CADM2: variants seen among roughly 807,000 people sequenced by gnomAD.
CADM2 encodes the protein cell adhesion molecule 2.
Under a neutral mutation model 49.8 loss-of-function variants are expected in CADM2, and 12 were observed. The observed-to-expected ratio is 0.24, with a 90% CI of 0.15 to 0.39. The LOEUF is 0.39. CADM2 is among the 10% of genes least tolerant of loss of function. The pLI is 1.00. For synonymous variants in CADM2, 214 were observed against 175.4 expected (o/e 1.22, Z -1.74); for missense variants, 378 against 492.3 (o/e 0.77, Z 2.20).
intron 1 of CADM2, among the ~76,000 whole-genome samples, chr3:85,430,462 G>A (rs906932864): frequency 2.0e-5 from 3 of 152,000 alleles, no homozygotes; most frequent in Non-Finnish European, 4.4e-5. Context: ...AGGTTACAGT[G>A]ATCCATGATT....
At position 85,379,203 on chromosome 3, in the gene CADM2, A is replaced by C. The variant is rs555895931; in HGVS notation, c.62-347319A>C. The stretch of plus-strand genomic sequence containing the variant: ...TTATGTTGATCATAATTTCATGATG[A>C]TTGCTTAAGTGTTTCCAAGTAGAAA... On this transcript the variant is annotated intron_variant, in intron 1 of 9. Coordinates refer to ENST00000383699, the MANE Select transcript of CADM2 (RefSeq NM_001167675.2). Among the ~76,000 whole-genome samples the C allele has an allele frequency of 1.8e-4, 28 of 152,106 alleles. No individual in the cohort carries two copies. The South Asian group carries it at 5.8e-3, about 32-fold the overall frequency.
chr3:85,450,881 C>T (rs913314576), intron 1 of CADM2, among the ~76,000 whole-genome samples: 2 of 151,998 alleles, frequency 1.3e-5, no homozygotes, highest in African/African-American at 2.4e-5. Flanking sequence ...GTTTTGAATT[C>T]GGCCTAGGCT....
intron 1 of CADM2, among the ~76,000 whole-genome samples, chr3:85,673,401 A>G (rs538855359): frequency 1.3e-5 from 2 of 152,038 alleles, no homozygotes; most frequent in African/African-American, 4.8e-5. Context: ...ACTAATTTCA[A>G]GCTTATGTGA....
In CADM2 at chr3:85,383,537, T is replaced by TATATATAC. The variant is rs1464540835; in HGVS notation, c.62-342984_62-342983insTATATACA. ...ATATGTATATATATATATATATATA[T>TATATATAC]ACATATATATATACATATAAACATT... On this transcript the variant is annotated intron_variant, in intron 1 of 9. Transcript: ENST00000383699. Among the ~76,000 whole-genome samples the TATATATAC allele has an allele frequency of 6.9e-5, 10 of 145,348 alleles. 1 individual carries two copies. The highest frequency in any genetic ancestry group is 4.3e-4 in the South Asian group (2 of 4,670).
At position 85,531,134 on chromosome 3, in the gene CADM2, A is replaced by G. The variant is rs1262542714; in HGVS notation, c.62-195388A>G. On this transcript the variant is annotated intron_variant, in intron 1 of 9. Coordinates refer to ENST00000383699, the MANE Select transcript of CADM2 (RefSeq NM_001167675.2). ...GATTCACTGAATATCCTTCTACTAAAATCATAAATGCCTTATAAGAGCAGC... is the reference window on the plus strand; with the variant it reads ...GATTCACTGAATATCCTTCTACTAAGATCATAAATGCCTTATAAGAGCAGC... 2.6e-5 allele frequency among the ~76,000 whole-genome samples: 4 copies of G among 152,160 alleles called. No homozygotes were observed. The South Asian group carries it at 8.3e-4, about 32-fold the overall frequency.
chr3:84,977,338 C>G (rs2031882843), intron 1 of CADM2, among the ~76,000 whole-genome samples: 1 of 151,880 alleles, frequency 6.6e-6, no homozygotes. Flanking sequence ...CACCTGATTT[C>G]TTGGAAGAGC....
intron 8 of CADM2, among the ~76,000 whole-genome samples, chr3:85,989,996 G>A (rs1194083772): frequency 3.6e-5 from 2 of 55,176 alleles, no homozygotes; most frequent in Admixed American, 3.2e-4. Flanking sequence ...TGGGCGACAA[G>A]AGAGAAACTC....
chr3:85,963,192 G>A (rs1725058611), intron 8 of CADM2, among the ~76,000 whole-genome samples: 1 of 151,896 alleles, frequency 6.6e-6, no homozygotes, highest in African/African-American at 2.4e-5. Context: ...AGCAACGAAA[G>A]GCTCACAATG....
chr3:85,443,282 G>A (rs1227181178), intron 1 of CADM2, among the ~76,000 whole-genome samples: 1 of 152,022 alleles, frequency 6.6e-6, no homozygotes, highest in Non-Finnish European at 1.5e-5. Context: ...AGCAATTACA[G>A]GAAAACATAC....
chr3:85,915,402 T>G (rs778539154), intron 6 of CADM2, among the ~76,000 whole-genome samples: 5 of 152,132 alleles, frequency 3.3e-5, no homozygotes, highest in African/African-American at 1.2e-4. Flanking sequence ...CATTCAAGTA[T>G]GTGAAGTTAA....
intron 1 of CADM2, among the ~76,000 whole-genome samples, chr3:85,258,142 C>T (rs965783397): frequency 3.3e-5 from 5 of 152,026 alleles, no homozygotes; most frequent in African/African-American, 9.7e-5. Flanking sequence ...CTCAGCCTAC[C>T]TGAGTGGCCA....
intron 8 of CADM2, among the ~76,000 whole-genome samples, chr3:86,017,586 G>A (rs748539504): frequency 3.3e-5 from 5 of 151,584 alleles, no homozygotes; most frequent in Admixed American, 2.0e-4. Flanking sequence ...AAAATTAGCC[G>A]GGCACAGTAG....
intron 3 of CADM2, among the ~76,000 whole-genome samples, chr3:85,867,981 C>G (rs1217920552): frequency 6.6e-6 from 1 of 152,014 alleles, no homozygotes; most frequent in Non-Finnish European, 1.5e-5. Context: ...TCTACAGCTT[C>G]AAATAGTCAA....
chr3:85,177,006 T>C (rs2040802894), intron 1 of CADM2, among the ~76,000 whole-genome samples: 1 of 152,174 alleles, frequency 6.6e-6, no homozygotes, highest in Admixed American at 6.5e-5. Context: ...AAGATGAATA[T>C]ATACATCGTC....
At chr3:85,504,427 G>C (rs1221807906) in intron 1 of CADM2, among the ~76,000 whole-genome samples, 1 of 152,220 alleles carries the variant, frequency 6.6e-6, no homozygotes, top group African/African-American at 2.4e-5. Flanking sequence ...AAGGGGACCG[G>C]AGCGGGTTGT....
chr3:85,431,462 T>C (rs2036662634), intron 1 of CADM2, among the ~76,000 whole-genome samples: 1 of 152,122 alleles, frequency 6.6e-6, no homozygotes, highest in Non-Finnish European at 1.5e-5. Context: ...CTTTAGGGTT[T>C]TCAGGGAAAT....
chr3:85,083,817 C>G (rs911854245), intron 1 of CADM2, among the ~76,000 whole-genome samples: 2 of 151,880 alleles, frequency 1.3e-5, no homozygotes, highest in Admixed American at 6.6e-5. Flanking sequence ...ACACAAACTG[C>G]CACAGATTTA....
intron 1 of CADM2, among the ~76,000 whole-genome samples, chr3:85,426,996 C>A (rs2036435937): frequency 6.6e-6 from 1 of 151,502 alleles, no homozygotes; most frequent in Admixed American, 6.6e-5. Context: ...GTTTATCCCA[C>A]CTATTTATCA....
intron 7 of CADM2, among the ~76,000 whole-genome samples, chr3:85,957,822 G>A (rs1724240761): frequency 6.6e-6 from 1 of 151,732 alleles, no homozygotes; most frequent in Admixed American, 6.6e-5. Context: ...TAATTATAAA[G>A]AATATGACAC....
Sources: gnomAD v4.1 joint callset for allele counts (sites outside exome capture counted in the v4.1 genomes callset) on GRCh38, gnomAD v4.1.1 for gene constraint, MANE v1.5 for transcripts, NCBI Gene and HGNC (gene_info 2026-07-23, HGNC 2026-07-21) for gene names.